Variants in PRKG2 observed in about 807,000 individuals in gnomAD.
The protein encoded by PRKG2 is protein kinase cGMP-dependent 2.
PRKG2 carries 33 observed loss-of-function variants against 97.2 expected under a neutral mutation model. The ratio of observed to expected loss-of-function variants is 0.34; its 90% CI spans 0.26 to 0.45. The LOEUF (loss-of-function observed/expected upper bound fraction) is 0.45, where lower values mean the gene tolerates loss of function less well. Ranked by LOEUF, PRKG2 falls within the 20% of genes least tolerant of loss-of-function variation. The pLI, the probability that PRKG2 is intolerant of heterozygous loss-of-function variation, is 1.00. For missense variants in PRKG2, 638 were observed against 900.0 expected (o/e 0.71, Z 3.73); for synonymous variants, 330 against 321.8 (o/e 1.03, Z -0.27).
In PRKG2 at chr4:81,204,948, C is replaced by T. The variant is rs759299128; in HGVS notation, c.100G>A (p.Glu34Lys). 66 of 1,614,052 alleles carry T rather than the reference C, an allele frequency of 4.1e-5. No individual in the cohort carries two copies. Among genetic ancestry groups the T allele is most frequent in the Non-Finnish European group, 5.5e-5 (65 of 1,180,048 alleles). Reference sequence around the variant, plus strand: ...GCATCCTTCCTCCTCAACTCTCTCTCCAGCTCTGTCACCTTGTTCCGCAGA... The same window carrying T: ...GCATCCTTCCTCCTCAACTCTCTCTTCAGCTCTGTCACCTTGTTCCGCAGA... ...DALRNKVTEL[E>K]RELRRKDAEI... Residue 34 changes from glutamate (E) to lysine (K), a missense_variant, in exon 2 of 19, where the codon GAG (glutamate) becomes AAG (lysine). Transcript: ENST00000264399.
rs1279936360 is a variant in PRKG2 at position 81,089,489 on chromosome 4, C to T, written c.*219G>A. 1 of 415,438 alleles carries T rather than the reference C, an allele frequency of 2.4e-6. No individual in the cohort carries two copies. The highest frequency in any genetic ancestry group is 3.7e-5 in the East Asian group (1 of 26,892). 25.7% of individuals were successfully genotyped at this position (415,438 alleles called of 1,614,324 possible). A position where few individuals can be genotyped will look rare whatever the true frequency, so the allele number is the denominator to read the frequency against. On this transcript the variant is annotated 3_prime_UTR_variant, in exon 19 of 19. Coordinates refer to ENST00000264399, the MANE Select transcript of PRKG2 (RefSeq NM_006259.3). ...GGTAGCCTCTAGCAGTTGAGAAAAG[C>T]AAATAATGTAATACATCAATAATTC...
intron 2 of PRKG2, among the ~76,000 whole-genome samples, chr4:81,184,668 G>A (rs148655040): frequency 6.6e-6 from 1 of 152,312 alleles, no homozygotes; most frequent in Non-Finnish European, 1.5e-5. Context: ...GTAGGCTTCA[G>A]AAGGAGGGTA....
intron 14 of PRKG2, among the ~76,000 whole-genome samples, chr4:81,114,217 G>T (rs1744263094): frequency 6.6e-6 from 1 of 151,872 alleles, no homozygotes; most frequent in African/African-American, 2.4e-5. Context: ...TGGTGCCAGT[G>T]GTGTCTAGTT....
chr4:81,176,950 T>C (rs1750980596), intron 2 of PRKG2, among the ~76,000 whole-genome samples: 1 of 152,300 alleles, frequency 6.6e-6, no homozygotes, highest in Middle Eastern at 3.4e-3. Flanking sequence ...GGCTCCAATC[T>C]ATCCATCTAG....
chr4:81,140,768 G>C (rs994875687), intron 11 of PRKG2, 99 bp from the exon 12 acceptor site: 1 of 1,049,174 alleles, frequency 9.5e-7, no homozygotes, highest in Admixed American at 2.1e-5. Flanking sequence ...AATTAGTATG[G>C]AAGCCCTTAG....
chr4:81,205,223 A>G, intron 1 of PRKG2, among the ~76,000 whole-genome samples, 163 bp from the exon 2 acceptor site: 1 of 151,542 alleles, frequency 6.6e-6, no homozygotes, highest in East Asian at 1.9e-4. Context: ...AAAAAAAGCT[A>G]TCTATTGATT....
intron 12 of PRKG2, among the ~76,000 whole-genome samples, chr4:81,139,922 T>C (rs1182775053): frequency 6.6e-6 from 1 of 152,116 alleles, no homozygotes; most frequent in Non-Finnish European, 1.5e-5. Context: ...CTTTCTGTCA[T>C]CTTGCATGGA....
intron 14 of PRKG2, 127 bp from the exon 15 acceptor site, chr4:81,110,738 C>T (rs1277974287): frequency 3.9e-6 from 3 of 767,194 alleles, no homozygotes; most frequent in Admixed American, 3.1e-5. Context: ...CACACACACA[C>T]ACACACACAC....
intron 6 of PRKG2, among the ~76,000 whole-genome samples, chr4:81,165,465 C>T (rs150668465): frequency 7.4e-4 from 112 of 152,232 alleles, no homozygotes; most frequent in Admixed American, 1.5e-3. Flanking sequence ...AAAAATGATG[C>T]AGTAGTGATT....
intron 14 of PRKG2, among the ~76,000 whole-genome samples, chr4:81,122,765 C>A (rs1047254888): frequency 6.6e-6 from 1 of 152,146 alleles, no homozygotes; most frequent in African/African-American, 2.4e-5. Flanking sequence ...TAGGAATTTG[C>A]AGAATGAGAC....
upstream of PRKG2, among the ~76,000 whole-genome samples, chr4:81,215,381 G>A (rs912530789): frequency 6.6e-6 from 1 of 152,238 alleles, no homozygotes; most frequent in Non-Finnish European, 1.5e-5. Flanking sequence ...CGACACAGCC[G>A]CAGTCTGCAC....
chr4:81,190,868 C>T (rs1752424472), intron 2 of PRKG2, among the ~76,000 whole-genome samples: 1 of 152,086 alleles, frequency 6.6e-6, no homozygotes, highest in Non-Finnish European at 1.5e-5. Context: ...AAATGCAAAT[C>T]AAAACCACAA....
At chr4:81,152,554 G>A (rs191456573) in intron 7 of PRKG2, among the ~76,000 whole-genome samples, 13 of 152,196 alleles carry the variant, frequency 8.5e-5, no homozygotes, top group Admixed American at 8.5e-4. Context: ...CAACTTTCAT[G>A]GGCATCTCAA....
Position 81,167,184 on chromosome 4 carries a change from T to C in PRKG2, c.889A>G (p.Lys297Glu). The C allele has an allele frequency of 6.3e-7, 1 of 1,594,126 alleles. No individual in the cohort carries two copies. Among genetic ancestry groups the C allele is most frequent in the Non-Finnish European group, 8.5e-7 (1 of 1,171,638 alleles). ...ACCACTTCCAAGCAGTCAATGATCT[T>C]GGTTAATTTATCTTCAGGTAAATTC... ...LKNLPEDKLT[K>E]IIDCLEVEYY... Residue 297 changes from lysine (K) to glutamate (E), a missense_variant, in exon 6 of 19, where the codon AAG becomes GAG. Coordinates refer to ENST00000264399, the MANE Select transcript of PRKG2 (RefSeq NM_006259.3).
chr4:81,166,760 C>A (rs1400173489), intron 6 of PRKG2, among the ~76,000 whole-genome samples: 1 of 152,052 alleles, frequency 6.6e-6, no homozygotes, highest in Admixed American at 6.6e-5. Context: ...ACCAAAAGGA[C>A]CAACATACCC....
intron 6 of PRKG2, among the ~76,000 whole-genome samples, chr4:81,162,661 C>T (rs927926050): frequency 3.9e-5 from 6 of 152,156 alleles, no homozygotes; most frequent in African/African-American, 1.4e-4. Flanking sequence ...TTCATCCCTT[C>T]CCAATTTTAG....
At chr4:81,141,456 AC>A (rs1157766183) in intron 11 of PRKG2, among the ~76,000 whole-genome samples, 3 of 152,206 alleles carry the variant, frequency 2.0e-5, no homozygotes, top group Non-Finnish European at 4.4e-5. Flanking sequence ...GTTAGTGGCT[AC>A]CCTATTAAAT....
intron 2 of PRKG2, among the ~76,000 whole-genome samples, chr4:81,190,285 C>A (rs1752370255): frequency 1.3e-5 from 2 of 152,268 alleles, no homozygotes; most frequent in Non-Finnish European, 2.9e-5. Context: ...ACATCTACAA[C>A]CATCTGATCT....
In PRKG2 at chr4:81,176,430, T is replaced by A. The variant is rs576120979; in HGVS notation, c.462-1471A>T. Among the ~76,000 whole-genome samples, 22 of 152,324 alleles carry A rather than the reference T, an allele frequency of 1.4e-4. 1 individual carries two copies. In the South Asian group the frequency reaches 4.6e-3, roughly 32 times the overall value. The stretch of plus-strand genomic sequence containing the variant: ...AATTTAAAAATGGATTTCATGTTCA[T>A]CCAATTCATTTTTATCCACTAAAGC... On this transcript the variant is annotated intron_variant, in intron 2 of 18. Transcript: ENST00000264399.
Sources: allele counts gnomAD v4.1 joint callset (sites outside exome capture counted in the v4.1 genomes callset), GRCh38; gene constraint gnomAD v4.1.1; transcripts MANE v1.5; gene names NCBI Gene and HGNC (gene_info 2026-07-23, HGNC 2026-07-21).